ERC2: variants seen among roughly 807,000 people sequenced by gnomAD.
ERC2 encodes ERC protein 2.
A neutral mutation model predicts 114.8 loss-of-function variants in ERC2; 42 were observed. That is an observed-to-expected ratio of 0.37 (90% CI 0.29 to 0.47). The LOEUF is 0.47. ERC2 is among the 20% of genes least tolerant of loss of function. ERC2 has a pLI of 0.99. For synonymous variants in ERC2, 454 were observed against 425.5 expected (o/e 1.07, Z -0.82); for missense variants, 939 against 1,150.7 (o/e 0.82, Z 2.66).
chr3:55,891,788 A>G (rs2063619009), intron 13 of ERC2, among the ~76,000 whole-genome samples: 1 of 152,090 alleles, frequency 6.6e-6, no homozygotes, highest in African/African-American at 2.4e-5. Context: ...CATCACAGTC[A>G]TCTCTCAACC....
intron 17 of ERC2, among the ~76,000 whole-genome samples, chr3:55,518,036 C>G (rs1218796401): frequency 6.6e-6 from 1 of 152,090 alleles, no homozygotes; most frequent in East Asian, 1.9e-4. Context: ...TGGGGGCTGC[C>G]CTGTGCATGG....
At chr3:55,758,780 C>G (rs1016317760) in intron 14 of ERC2, among the ~76,000 whole-genome samples, 1 of 152,096 alleles carries the variant, frequency 6.6e-6, no homozygotes, top group Non-Finnish European at 1.5e-5. Flanking sequence ...GCTCAAACTG[C>G]GTAACGTTTT....
intron 17 of ERC2, among the ~76,000 whole-genome samples, chr3:55,524,345 A>G (rs899427653): frequency 7.2e-5 from 11 of 152,138 alleles, no homozygotes; most frequent in Non-Finnish European, 1.6e-4. Flanking sequence ...GCCAGGAAGG[A>G]ACAGTGGTAG....
chr3:56,086,374 G>T (rs1037838453), intron 6 of ERC2, among the ~76,000 whole-genome samples: 1 of 151,946 alleles, frequency 6.6e-6, no homozygotes. Context: ...TGTTTGGGGG[G>T]TTTATTTTCC....
chr3:55,739,222 A>G (rs1049125105), intron 14 of ERC2, among the ~76,000 whole-genome samples: 2 of 152,260 alleles, frequency 1.3e-5, no homozygotes, highest in South Asian at 2.1e-4. Context: ...ATAAACATAC[A>G]TGTGCATGTG....
chr3:55,654,322 T>G (rs2148687887), intron 17 of ERC2, among the ~76,000 whole-genome samples: 2 of 152,306 alleles, frequency 1.3e-5, no homozygotes, highest in Middle Eastern at 6.8e-3. Flanking sequence ...CAGTGTTGGG[T>G]GGTAGCACCT....
At chr3:56,371,712 C>T (rs2150589662) in intron 2 of ERC2, among the ~76,000 whole-genome samples, 1 of 152,350 alleles carries the variant, frequency 6.6e-6, no homozygotes, top group Admixed American at 6.5e-5. Context: ...GCTGCTACCA[C>T]CTATTAATAT....
At chr3:55,806,114 C>G (rs1209372502) in intron 14 of ERC2, among the ~76,000 whole-genome samples, 1 of 152,038 alleles carries the variant, frequency 6.6e-6, no homozygotes, top group Admixed American at 6.6e-5. Context: ...GTGCGCAGAT[C>G]AATTGAGGTC....
chr3:56,439,574 C>A (rs577613976), intron 1 of ERC2, among the ~76,000 whole-genome samples: 1 of 152,296 alleles, frequency 6.6e-6, no homozygotes, highest in East Asian at 1.9e-4. Flanking sequence ...CGTCCCTTCA[C>A]AAACAGTCTA....
intron 12 of ERC2, among the ~76,000 whole-genome samples, chr3:55,969,275 A>T (rs1035366385): frequency 6.6e-6 from 1 of 152,106 alleles, no homozygotes; most frequent in African/African-American, 2.4e-5. Flanking sequence ...AAAGGTCCCA[A>T]GCTTTAATGG....
At chr3:56,440,704 A>ATG (rs933100084) in intron 1 of ERC2, among the ~76,000 whole-genome samples, 15 of 152,082 alleles carry the variant, frequency 9.9e-5, no homozygotes, top group Admixed American at 3.9e-4. Flanking sequence ...TTAAGTGTGT[A>ATG]TGTGTGTGTG....
At chr3:56,402,509 G>A (rs1244256808) in intron 2 of ERC2, among the ~76,000 whole-genome samples, 1 of 152,088 alleles carries the variant, frequency 6.6e-6, no homozygotes, top group Non-Finnish European at 1.5e-5. Flanking sequence ...CTATCTCAAA[G>A]GGTGTGTGCA....
At chr3:55,631,121 G>A (rs904014080) in intron 17 of ERC2, among the ~76,000 whole-genome samples, 3 of 152,008 alleles carry the variant, frequency 2.0e-5, no homozygotes, top group African/African-American at 7.2e-5. Flanking sequence ...TCAATACTAG[G>A]GGACACACAC....
chr3:55,875,456 A>T (rs978206265), intron 14 of ERC2, among the ~76,000 whole-genome samples: 1 of 152,192 alleles, frequency 6.6e-6, no homozygotes, highest in African/African-American at 2.4e-5. Context: ...ATCCCAGGGA[A>T]CTGGCTTAAC....
intron 1 of ERC2, among the ~76,000 whole-genome samples, chr3:56,453,888 G>A (rs768727202): frequency 2.0e-5 from 3 of 152,142 alleles, no homozygotes; most frequent in Non-Finnish European, 4.4e-5. Context: ...ATCAATGGGC[G>A]TGGGCTGGAC....
At position 56,109,159 on chromosome 3, in the gene ERC2, C is replaced by T. The variant is rs184436375; in HGVS notation, c.1474-28175G>A. ...CCTAATAGTTATTTTTTCTGCTCCT[C>T]TCTCCCTCCTTCCCCCTCCCACCTT... On this transcript the variant is annotated intron_variant, in intron 6 of 17. Transcript: ENST00000288221. 4.6e-3 allele frequency among the ~76,000 whole-genome samples: 697 copies of T among 152,084 alleles called. 5 individuals are homozygous for T. Among genetic ancestry groups the T allele is most frequent in the Non-Finnish European group, 7.5e-3 (511 of 67,974 alleles).
In ERC2 at chr3:55,541,195, C is replaced by T. The variant is rs2054371390; in HGVS notation, c.*40-29919G>A. On this transcript the variant is annotated intron_variant, in intron 17 of 17. Transcript: ENST00000288221. ...TCAAGTCTTGAAAAACATCAACCTC[C>T]CAGACCACCATCTGTTATGCAAGCT... Among the ~76,000 whole-genome samples the T allele has an allele frequency of 3.3e-5, 5 of 152,250 alleles. No homozygotes were observed. In the South Asian group the frequency reaches 1.0e-3, roughly 32 times the overall value.
At chr3:55,940,719 T>C (rs112157873) in intron 13 of ERC2, among the ~76,000 whole-genome samples, 16 of 152,262 alleles carry the variant, frequency 1.1e-4, no homozygotes, top group Middle Eastern at 3.4e-3. Context: ...AAAAACATCA[T>C]TGGGAATGCT....
chr3:55,793,858 AGAT>A (rs1315228281), intron 14 of ERC2, among the ~76,000 whole-genome samples: 1 of 152,230 alleles, frequency 6.6e-6, no homozygotes, highest in African/African-American at 2.4e-5. Flanking sequence ...GAAATTTAAA[AGAT>A]GATGGTGAGT....
Sources: gnomAD v4.1 joint callset for allele counts (sites outside exome capture counted in the v4.1 genomes callset) on GRCh38, gnomAD v4.1.1 for gene constraint, MANE v1.5 for transcripts, NCBI Gene and HGNC (gene_info 2026-07-23, HGNC 2026-07-21) for gene names.